LYST: variants seen among roughly 807,000 people sequenced by gnomAD.
LYST encodes the protein lysosomal trafficking regulator, also known as lysosomal-trafficking regulator.
A neutral mutation model predicts 413.6 loss-of-function variants in LYST; 192 were observed. The ratio of observed to expected loss-of-function variants is 0.46; its 90% confidence interval spans 0.41 to 0.52. The LOEUF (loss-of-function observed/expected upper bound fraction) is 0.52. LYST is among the 20% of genes least tolerant of loss of function. The pLI is 0.00. For synonymous variants in LYST, 1,525 were observed against 1,567.3 expected (o/e 0.97, Z 0.64); for missense variants, 3,815 against 4,499.9 (o/e 0.85, Z 4.35).
At chr1:235,784,140 A>G (rs1177112610) in intron 14 of LYST, among the ~76,000 whole-genome samples, 2 of 152,142 alleles carry the variant, frequency 1.3e-5, no homozygotes, top group Non-Finnish European at 1.5e-5. Flanking sequence ...TCGGCCTATC[A>G]AAGTGCTGGG....
intron 31 of LYST, among the ~76,000 whole-genome samples, chr1:235,739,241 T>C (rs896884746): frequency 2.6e-5 from 4 of 152,336 alleles, no homozygotes; most frequent in Admixed American, 1.3e-4. Context: ...ACTAATCTTG[T>C]GTAGTCCTAA....
intron 1 of LYST, among the ~76,000 whole-genome samples, chr1:235,861,453 A>T (rs901553121): frequency 3.3e-5 from 5 of 152,246 alleles, no homozygotes; most frequent in Non-Finnish European, 7.3e-5. Flanking sequence ...GGTGACACAC[A>T]GCAGCAAAAT....
intron 50 of LYST, among the ~76,000 whole-genome samples, chr1:235,668,379 T>G (rs993365962): frequency 2.0e-5 from 3 of 152,120 alleles, no homozygotes; most frequent in African/African-American, 7.2e-5. Flanking sequence ...AAAAAGTAAT[T>G]TAAAAAATTA....
chr1:235,788,882 G>C (rs1175384012), intron 12 of LYST, 37 bp from the exon 13 acceptor site: 3 of 1,599,488 alleles, frequency 1.9e-6, no homozygotes, highest in Non-Finnish European at 2.6e-6. Context: ...CAGTAAAATG[G>C]TTCGTAACAA....
intron 48 of LYST, among the ~76,000 whole-genome samples, chr1:235,679,514 A>G (rs1219181595): frequency 6.6e-6 from 1 of 151,782 alleles, no homozygotes; most frequent in Admixed American, 6.6e-5. Flanking sequence ...CTTTTTCATA[A>G]ATTTATTTTC....
intron 50 of LYST, among the ~76,000 whole-genome samples, chr1:235,666,308 A>T (rs940294139): frequency 6.6e-6 from 1 of 150,442 alleles, no homozygotes; most frequent in African/African-American, 2.4e-5. Context: ...AGCATGCGAA[A>T]ACATGGATGA....
In LYST at chr1:235,686,576, C is replaced by G. The variant is rs1660239240; in HGVS notation, c.10800+373G>C. Among the ~76,000 whole-genome samples the G allele has an allele frequency of 6.6e-6, 1 of 151,794 alleles. No homozygotes were observed. Among genetic ancestry groups the G allele is most frequent in the Non-Finnish European group, 1.5e-5 (1 of 68,024 alleles). ...TTAGATTTTGCTGTCACTTAGTTTA[C>G]CCAGAGGTTATCGGAATGTTGGACA... On this transcript the variant is annotated intron_variant, in intron 48 of 52. Coordinates refer to ENST00000389793, the MANE Select transcript of LYST (RefSeq NM_000081.4). The surrounding 1 kb of genome is among the most constrained non-coding windows in gnomAD (Gnocchi z 4.0).
intron 31 of LYST, among the ~76,000 whole-genome samples, chr1:235,739,526 T>C (rs543534633): frequency 6.7e-6 from 1 of 149,944 alleles, no homozygotes; most frequent in South Asian, 2.1e-4. Context: ...TACCATATTA[T>C]GTAAAGAGAT....
At chr1:235,777,456 C>T in intron 16 of LYST, 148 bp from the exon 17 acceptor site, 1 of 680,106 alleles carries the variant, frequency 1.5e-6, no homozygotes, top group South Asian at 1.7e-5. Context: ...AACAGATAAA[C>T]ATTAGAAGCA....
intron 45 of LYST, among the ~76,000 whole-genome samples, chr1:235,701,401 G>A (rs772544391): frequency 3.3e-5 from 5 of 151,936 alleles, no homozygotes; most frequent in African/African-American, 7.3e-5. Context: ...AGGCCGAGGC[G>A]GGCAGATCAT....
intron 24 of LYST, among the ~76,000 whole-genome samples, chr1:235,756,527 T>C (rs1367212401): frequency 6.6e-6 from 1 of 152,136 alleles, no homozygotes; most frequent in African/African-American, 2.4e-5. Context: ...GCGAGCTCAA[T>C]ACTAGGTTGT....
rs1339998000 is a variant in LYST, at chr1:235,673,870, T to C, written c.11038+3221A>G. Among the ~76,000 whole-genome samples, 3 of 152,216 alleles carry C rather than the reference T, an allele frequency of 2.0e-5. No individual in the cohort carries two copies. In the East Asian group the frequency reaches 5.8e-4, roughly 29 times the overall value. ...GCCATAACAACTGGGTACCAAGATA[T>C]AAATGCCTGGCTGAAATGGATTAAA... On this transcript the variant is annotated intron_variant, in intron 50 of 52. Transcript: ENST00000389793.
At chr1:235,745,312 A>C (rs1665810192) in intron 29 of LYST, among the ~76,000 whole-genome samples, 1 of 152,178 alleles carries the variant, frequency 6.6e-6, no homozygotes, top group Non-Finnish European at 1.5e-5. Context: ...ATTACATTTT[A>C]AGTTTGTACA....
intron 34 of LYST, 91 bp from the exon 35 acceptor site, chr1:235,731,268 C>A: frequency 9.5e-7 from 1 of 1,053,564 alleles, no homozygotes; most frequent in South Asian, 1.3e-5. Flanking sequence ...GTAAGTAAGT[C>A]ACAACTGATC....
intron 25 of LYST, among the ~76,000 whole-genome samples, chr1:235,753,592 T>G (rs959902265): frequency 6.6e-6 from 1 of 152,148 alleles, no homozygotes; most frequent in Non-Finnish European, 1.5e-5. Flanking sequence ...GGGCTTCAAG[T>G]GCACAGGAAA....
At chr1:235,714,631 T>C (rs970910912) in intron 42 of LYST, among the ~76,000 whole-genome samples, 1 of 152,228 alleles carries the variant, frequency 6.6e-6, no homozygotes, top group Non-Finnish European at 1.5e-5. Flanking sequence ...CAGGTGAGTA[T>C]GTCCCAATCT....
chr1:235,762,870 T>C lies in LYST; in HGVS notation c.6122-19A>G. ...TTGCCATCTAGAATCCAAATTTTTT[T>C]TGAAACAGCAAAATTTTTAAAAAGG... is the stretch of plus-strand genomic sequence containing the variant. On this transcript the variant is annotated intron_variant, in intron 21 of 52. Coordinates refer to ENST00000389793, the MANE Select transcript of LYST (RefSeq NM_000081.4). 6.2e-7 allele frequency: 1 copy of C among 1,609,882 alleles called. No homozygotes were observed. The highest frequency in any genetic ancestry group is 8.5e-7 in the Non-Finnish European group (1 of 1,176,684).
intron 2 of LYST, among the ~76,000 whole-genome samples, chr1:235,832,854 A>G (rs1676141132): frequency 6.6e-6 from 1 of 152,004 alleles, no homozygotes; most frequent in Non-Finnish European, 1.5e-5. Flanking sequence ...GGCGCTTTAT[A>G]TTTTTGCCAT....
intron 44 of LYST, among the ~76,000 whole-genome samples, chr1:235,708,768 C>T (rs1662184529): frequency 2.0e-5 from 3 of 152,212 alleles, no homozygotes; most frequent in Middle Eastern, 3.4e-3. Flanking sequence ...CTGCTTTCTC[C>T]CAGACTTTGC....
Sources: allele counts gnomAD v4.1 joint callset (sites outside exome capture counted in the v4.1 genomes callset), GRCh38; gene constraint gnomAD v4.1.1; non-coding constraint Gnocchi (gnomAD v3.1); transcripts MANE v1.5; gene names NCBI Gene and HGNC (gene_info 2026-07-23, HGNC 2026-07-21).